The following VASH2 variants were observed in gnomAD, a reference collection of about 807,000 sequenced individuals.
VASH2 encodes the protein vasohibin 2, also known as tubulinyl-Tyr carboxypeptidase 2.
VASH2 carries 28 observed loss-of-function variants against 37.2 expected under a neutral mutation model. The ratio of observed to expected loss-of-function variants is 0.75; its 90% CI spans 0.56 to 1.03. The LOEUF is 1.03. VASH2 is among the 50% of genes least tolerant of loss of function. The pLI is 0.00. For synonymous variants in VASH2, 188 were observed against 174.7 expected (o/e 1.08, Z -0.60); for missense variants, 419 against 459.1 (o/e 0.91, Z 0.80).
chr1:212,953,105 A>G (rs1345160701), intron 2 of VASH2, among the ~76,000 whole-genome samples: 2 of 152,204 alleles, frequency 1.3e-5, no homozygotes, highest in Admixed American at 6.5e-5. Flanking sequence ...AACTTGGAAG[A>G]AAAGTGACCA....
Position 212,966,081 on chromosome 1 carries a change from G to A in VASH2, c.423-190G>A, listed in dbSNP as rs78164001. Reference sequence around the variant, plus strand: ...TGCTGGGGCATTGGGAGGGTGCTATGGAGTACTGGCACTAACTCCAGGAAT... The same window carrying A: ...TGCTGGGGCATTGGGAGGGTGCTATAGAGTACTGGCACTAACTCCAGGAAT... On this transcript the variant is annotated intron_variant, in intron 4 of 7. Transcript: ENST00000517399. 2.1e-3 allele frequency: 1,266 copies of A among 615,158 alleles called. 16 individuals carry two copies. Among genetic ancestry groups the A allele is most frequent in the African/African-American group, 0.019 (1,056 of 54,370 alleles). 38.1% of individuals were successfully genotyped at this position (615,158 alleles called of 1,614,324 possible).
intron 7 of VASH2, among the ~76,000 whole-genome samples, chr1:212,977,879 C>T (rs550747089): frequency 9.2e-5 from 14 of 152,298 alleles, no homozygotes; most frequent in Admixed American, 7.8e-4. Flanking sequence ...TGACATCTAC[C>T]GTTTGCTTCA....
chr1:212,967,295 C>T (rs12049253), intron 5 of VASH2: 15 of 1,258,046 alleles, frequency 1.2e-5, no homozygotes, highest in Admixed American at 4.7e-5. Flanking sequence ...TTTATACATT[C>T]GAGCATCATG....
Position 212,990,181 on chromosome 1 carries a change from A to T in VASH2, c.*1597A>T, listed in dbSNP as rs888975330. On this transcript the variant is annotated 3_prime_UTR_variant, in exon 8 of 8. Coordinates refer to ENST00000517399, the MANE Select transcript of VASH2 (RefSeq NM_001301056.2). ...TGCACAAGAGCTTACTTCACCCTGA[A>T]AATCAGTATTATTAATGAAAAGTAC... is the stretch of plus-strand genomic sequence containing the variant. 2 of 152,218 alleles carry T rather than the reference A, an allele frequency of 1.3e-5. No individual in the cohort carries two copies. Among genetic ancestry groups the T allele is most frequent in the Non-Finnish European group, 2.9e-5 (2 of 68,028 alleles). The allele number at this position is 152,218 out of a possible 1,614,324, so 9.4% of individuals were successfully genotyped here.
At chr1:212,976,702 A>C (rs571535154) in intron 7 of VASH2, among the ~76,000 whole-genome samples, 54 of 152,340 alleles carry the variant, frequency 3.5e-4, no homozygotes, top group African/African-American at 1.3e-3. Context: ...TGCAGAGGAC[A>C]GCTGTCAGAG....
intron 2 of VASH2, among the ~76,000 whole-genome samples, chr1:212,955,408 G>A (rs1572056504): frequency 6.6e-6 from 1 of 152,194 alleles, no homozygotes; most frequent in African/African-American, 2.4e-5. Context: ...CCTGGAGGTT[G>A]TTGAGTCTGA....
intron 4 of VASH2, 33 bp downstream of exon 4, chr1:212,965,811 C>T (rs1666823838): frequency 6.5e-7 from 1 of 1,538,346 alleles, no homozygotes; most frequent in Non-Finnish European, 8.8e-7. Flanking sequence ...GCCAGATGAC[C>T]TCTCTCCTAC....
chr1:212,951,618 C>T lies in VASH2; in HGVS notation c.76C>T (p.His26Tyr), dbSNP rs945281241. The change falls in exon 2 of 8, where the codon CAC becomes TAC. Residue 26 changes from histidine to tyrosine, a missense_variant. By Grantham distance (83) the His-to-Tyr change is moderately conservative. Coordinates refer to ENST00000517399, the MANE Select transcript of VASH2 (RefSeq NM_001301056.2). The surrounding 1 kb of genome is among the most constrained non-coding windows in gnomAD (Gnocchi z 4.4). ...GAKGTRSRSS[H>Y]ARPVSLATSG... ...CAAAGGCACCCGGTCCCGGAGCAGC[C>T]ACGCGCGGCCCGTGAGCCTCGCCAC... 5.8e-6 allele frequency: 9 copies of T among 1,563,304 alleles called. No homozygotes were observed. In the South Asian group the frequency reaches 1.1e-4, roughly 18 times the overall value.
chr1:212,991,212 T>A lies in VASH2; in HGVS notation c.*2628T>A, dbSNP rs975252778. On this transcript the variant is annotated 3_prime_UTR_variant, in exon 8 of 8. Coordinates refer to ENST00000517399, the MANE Select transcript of VASH2 (RefSeq NM_001301056.2). ...GAAATCATGAGCATTTCACTTTTTC[T>A]AAGTCAATTATTTCATAAGGATTTT... 1.3e-5 allele frequency: 2 copies of A among 152,266 alleles called. No individual in the cohort carries two copies. The highest frequency in any genetic ancestry group is 4.1e-4 in the South Asian group (2 of 4,836). 9.4% of individuals were successfully genotyped at this position (152,266 alleles called of 1,614,324 possible).
chr1:212,956,384 T>C (rs1364217251), intron 2 of VASH2, among the ~76,000 whole-genome samples: 1 of 152,160 alleles, frequency 6.6e-6, no homozygotes, highest in African/African-American at 2.4e-5. Flanking sequence ...GCACAGTGCC[T>C]GTGTGAAGAG....
chr1:212,964,724 G>A (rs1212652173), intron 3 of VASH2, among the ~76,000 whole-genome samples: 1 of 152,108 alleles, frequency 6.6e-6, no homozygotes, highest in African/African-American at 2.4e-5. Context: ...CAGAGTCTAT[G>A]CGCTACTGCA....
intron 7 of VASH2, among the ~76,000 whole-genome samples, chr1:212,986,925 A>G: frequency 6.6e-6 from 1 of 152,232 alleles, no homozygotes; most frequent in Non-Finnish European, 1.5e-5. Flanking sequence ...AAGTAAGGTT[A>G]CAAGTTATTT....
intron 2 of VASH2, among the ~76,000 whole-genome samples, chr1:212,955,395 T>TC (rs1666457976): frequency 6.6e-6 from 1 of 152,174 alleles, no homozygotes; most frequent in Non-Finnish European, 1.5e-5. Flanking sequence ...TGCAGGCCTC[T>TC]CCCCTGGAGG....
At position 212,951,930 on chromosome 1, in the gene VASH2, A is replaced by G. The variant is rs1666324979; in HGVS notation, c.276+112A>G. ...CAATCTCCATTTTCCTAGTCCTGCTACAAACTCCCTTCCTCTCCCCATTCC... is the reference window on the plus strand; with the variant it reads ...CAATCTCCATTTTCCTAGTCCTGCTGCAAACTCCCTTCCTCTCCCCATTCC... On this transcript the variant is annotated intron_variant, in intron 2 of 7. Transcript: ENST00000517399. The surrounding 1 kb of genome is among the most constrained non-coding windows in gnomAD (Gnocchi z 4.4). The G allele has an allele frequency of 5.5e-6, 7 of 1,270,216 alleles. No individual in the cohort carries two copies. The South Asian group carries it at 1.0e-4, about 19-fold the overall frequency. 78.7% of individuals were successfully genotyped at this position (1,270,216 alleles called of 1,614,324 possible).
At chr1:212,970,099 G>GA (rs1275738019) in intron 5 of VASH2, among the ~76,000 whole-genome samples, 33 of 152,314 alleles carry the variant, frequency 2.2e-4, no homozygotes, top group African/African-American at 6.0e-4. Flanking sequence ...GTTTATTAAA[G>GA]AAACAGGTTC....
intron 7 of VASH2, among the ~76,000 whole-genome samples, chr1:212,980,808 G>GAAGC (rs888406216): frequency 6.6e-6 from 1 of 152,174 alleles, no homozygotes; most frequent in Non-Finnish European, 1.5e-5. Context: ...AAAGTAGAGG[G>GAAGC]AAGCAAACAA....
At chr1:212,981,442 A>G (rs561021434) in intron 7 of VASH2, among the ~76,000 whole-genome samples, 1 of 152,202 alleles carries the variant, frequency 6.6e-6, no homozygotes. Context: ...CGGCCTACCC[A>G]GACCGGCCGT....
intron 7 of VASH2, among the ~76,000 whole-genome samples, chr1:212,978,242 T>C (rs1289403064): frequency 2.0e-5 from 3 of 152,204 alleles, no homozygotes; most frequent in Non-Finnish European, 4.4e-5. Context: ...TACTTTTTCA[T>C]GCAGCCAAGG....
chr1:212,958,071 C>T (rs1475748759), intron 2 of VASH2, among the ~76,000 whole-genome samples: 1 of 152,176 alleles, frequency 6.6e-6, no homozygotes, highest in Non-Finnish European at 1.5e-5. Flanking sequence ...TGACCAGGGC[C>T]CACAGCTAGT....
Sources: gnomAD v4.1 joint callset for allele counts (sites outside exome capture counted in the v4.1 genomes callset) on GRCh38, gnomAD v4.1.1 for gene constraint, Gnocchi (gnomAD v3.1) non-coding constraint, MANE v1.5 for transcripts, NCBI Gene and HGNC (gene_info 2026-07-23, HGNC 2026-07-21) for gene names.